CENPK: variants seen among roughly 807,000 people sequenced by gnomAD.
The protein encoded by CENPK is SoxLZ/Sox6-binding protein Solt.
Under a neutral mutation model 40.9 loss-of-function variants are expected in CENPK, and 46 were observed. The observed-to-expected ratio is 1.13, with a 90% CI of 0.89 to 1.44. CENPK has a LOEUF of 1.44. Among genes scored for constraint, CENPK ranks in the 40% most tolerant of loss-of-function variants. CENPK has a pLI of 0.00. For synonymous variants in CENPK, 107 were observed against 104.4 expected (o/e 1.02, Z -0.15); for missense variants, 288 against 303.5 (o/e 0.95, Z 0.38).
intron 9 of CENPK, 79 bp downstream of exon 9, chr5:65,528,373 A>G: frequency 5.9e-6 from 8 of 1,365,552 alleles, no homozygotes; most frequent in Admixed American, 2.6e-5. Flanking sequence ...TTTGAACTAA[A>G]TAAGAAAATA....
intron 9 of CENPK, chr5:65,524,615 A>G: frequency 6.4e-6 from 1 of 155,748 alleles, no homozygotes; most frequent in Non-Finnish European, 1.4e-5. Context: ...CAGGAGGCAG[A>G]GGTTGCAGTG....
intron 6 of CENPK, among the ~76,000 whole-genome samples, chr5:65,529,949 C>T (rs531954852): frequency 2.0e-5 from 3 of 151,962 alleles, no homozygotes; most frequent in Non-Finnish European, 2.9e-5. Flanking sequence ...GGAATACAGG[C>T]ACGTGCCACC....
intron 10 of CENPK, among the ~76,000 whole-genome samples, chr5:65,520,303 A>G (rs1743484473): frequency 1.3e-5 from 2 of 152,164 alleles, no homozygotes; most frequent in South Asian, 4.2e-4. Flanking sequence ...AGGCCTCCCT[A>G]GAAGCTGAGC....
intron 3 of CENPK, 64 bp downstream of exon 3, chr5:65,554,733 C>A (rs1437131919): frequency 3.4e-6 from 3 of 873,796 alleles, no homozygotes; most frequent in African/African-American, 1.7e-5. Context: ...TTTCCTGAGT[C>A]TATTTATTAT....
At chr5:65,530,679 ATAAC>A (rs1395709763) in intron 6 of CENPK, among the ~76,000 whole-genome samples, 2 of 152,176 alleles carry the variant, frequency 1.3e-5, no homozygotes, top group African/African-American at 4.8e-5. Flanking sequence ...AAGAAAATAA[ATAAC>A]TAATAAGCCA....
At chr5:65,542,077 T>G (rs1748079152) in intron 6 of CENPK, among the ~76,000 whole-genome samples, 1 of 152,104 alleles carries the variant, frequency 6.6e-6, no homozygotes. Context: ...ATTTCATTTA[T>G]GAAGGCCCTA....
the CENPK span, among the ~76,000 whole-genome samples, chr5:65,498,595 TTTTTC>T: frequency 6.6e-6 from 1 of 151,504 alleles, no homozygotes; most frequent in Non-Finnish European, 1.5e-5. Flanking sequence ...TTCTCTTTCT[TTTTTC>T]TTTCTTTTCT....
chr5:65,550,592 A>T (rs1749795117), intron 5 of CENPK: 1 of 152,252 alleles, frequency 6.6e-6, no homozygotes, highest in Non-Finnish European at 1.5e-5. Context: ...ACCAGATGTA[A>T]TAATGACTTA....
intron 2 of CENPK, among the ~76,000 whole-genome samples, chr5:65,558,276 T>A (rs1040492449): frequency 5.9e-5 from 9 of 152,184 alleles, no homozygotes; most frequent in Non-Finnish European, 1.2e-4. Flanking sequence ...ATAGCATCTT[T>A]ATACGGTACA....
the CENPK span, among the ~76,000 whole-genome samples, chr5:65,496,889 T>TA: frequency 2.0e-5 from 3 of 150,662 alleles, no homozygotes; most frequent in Non-Finnish European, 4.4e-5. Flanking sequence ...CCATCTCTAC[T>TA]AAAAAAAATA....
At chr5:65,516,731 G>A (rs955957952), downstream of CENPK, among the ~76,000 whole-genome samples, 1 of 151,066 alleles carries the variant, frequency 6.6e-6, no homozygotes, top group African/African-American at 2.4e-5. Flanking sequence ...TCAAAACAAA[G>A]TTGTAGGATA....
chr5:65,515,735 T>G (rs911523654), downstream of CENPK, among the ~76,000 whole-genome samples: 3 of 152,236 alleles, frequency 2.0e-5, no homozygotes, highest in Admixed American at 6.5e-5. Flanking sequence ...TATCACCATA[T>G]ATTGCCTCTC....
intron 6 of CENPK, among the ~76,000 whole-genome samples, chr5:65,534,280 G>A (rs1489030321): frequency 6.6e-6 from 1 of 152,154 alleles, no homozygotes; most frequent in Non-Finnish European, 1.5e-5. Flanking sequence ...TTCAGACTAA[G>A]TATGTTAAAG....
intron 3 of CENPK, 139 bp downstream of exon 3, chr5:65,554,658 A>G: frequency 1.7e-6 from 1 of 595,528 alleles, no homozygotes; most frequent in Non-Finnish European, 3.0e-6. Flanking sequence ...GAATGCTGAT[A>G]GGTCTAAAAG....
intron 9 of CENPK, 92 bp from the exon 10 acceptor site, chr5:65,521,620 G>A: frequency 1.1e-6 from 1 of 896,842 alleles, no homozygotes; most frequent in South Asian, 1.5e-5. Context: ...TTATTTCTGA[G>A]ACAGAGTTTC....
At chr5:65,515,197 CA>C (rs150000454), downstream of CENPK, among the ~76,000 whole-genome samples, 2 of 103,652 alleles carry the variant, frequency 1.9e-5, no homozygotes, top group African/African-American at 7.1e-5. Context: ...TGCTGCATCT[CA>C]AAAAAATTTT....
intron 5 of CENPK, among the ~76,000 whole-genome samples, chr5:65,545,324 GCACACACACACA>G (rs869192025): frequency 0.1 from 6,710 of 64,272 alleles, 316 homozygotes; most frequent in Middle Eastern, 0.16. Context: ...CTCAAAGCGC[GCACACACACACA>G]CACACACACA....
rs1745244701 is a variant in CENPK, at chr5:65,529,004, A to G, written c.385T>C (p.Leu129=). 6.2e-7 allele frequency: 1 copy of G among 1,609,240 alleles called. No individual in the cohort carries two copies. Among genetic ancestry groups the G allele is most frequent in the East Asian group, 2.2e-5 (1 of 44,764 alleles). ...KEDLEREQRW[L]DEQQQIMESL... ...TCCATTATCTGTTGCTGTTCATCCA[A>G]CCACCGTTGTTCCCTTTCGACATGG... Residue 129 remains leucine, a synonymous_variant, in exon 8 of 11, where the codon TTG becomes CTG. Transcript: ENST00000396679.
intron 5 of CENPK, among the ~76,000 whole-genome samples, chr5:65,543,903 C>G (rs1458161381): frequency 6.6e-6 from 1 of 152,168 alleles, no homozygotes; most frequent in Non-Finnish European, 1.5e-5. Flanking sequence ...ATATTACAAA[C>G]TCTTCTAAAA....
Sources: gnomAD v4.1 joint callset for allele counts (sites outside exome capture counted in the v4.1 genomes callset) on GRCh38, gnomAD v4.1.1 for gene constraint, MANE v1.5 for transcripts, NCBI Gene and HGNC (gene_info 2026-07-23, HGNC 2026-07-21) for gene names.